Variants in SGIP1 observed in about 807,000 individuals in gnomAD.
SGIP1 encodes SH3-containing GRB2-like protein 3-interacting protein 1.
A neutral mutation model predicts 107.5 loss-of-function variants in SGIP1; 38 were observed. The observed-to-expected ratio is 0.35, with a 90% CI of 0.27 to 0.46. The LOEUF is 0.46. SGIP1 is among the 20% of genes least tolerant of loss of function. The pLI is 1.00. For missense variants in SGIP1, 929 were observed against 1,019.5 expected (o/e 0.91, Z 1.21); for synonymous variants, 365 against 366.1 (o/e 1.00, Z 0.03).
chr1:66,570,100 G>T (rs907908069), intron 1 of SGIP1, among the ~76,000 whole-genome samples: 2 of 151,614 alleles, frequency 1.3e-5, no homozygotes, highest in South Asian at 4.2e-4. Flanking sequence ...AGTAATTTAC[G>T]ATGTCTCTCT....
chr1:66,648,731 C>A (rs2078136862), intron 7 of SGIP1, among the ~76,000 whole-genome samples: 1 of 152,150 alleles, frequency 6.6e-6, no homozygotes, highest in Non-Finnish European at 1.5e-5. Context: ...TGCTTTCTGG[C>A]TATCTGTTTA....
chr1:66,576,912 G>C (rs1439630133), intron 1 of SGIP1, among the ~76,000 whole-genome samples: 33 of 152,190 alleles, frequency 2.2e-4, no homozygotes, highest in Admixed American at 2.2e-3. Flanking sequence ...CCCAAGCAGA[G>C]CTGCTGCCTG....
chr1:66,636,002 GA>G lies in SGIP1; in HGVS notation c.165del (p.Val56PhefsTer81), dbSNP rs1394139864. ...NSKAECAREG[G>X]KKVSKKSNGA... is the part of the protein sequence containing the mutation. The stretch of plus-strand genomic sequence containing the variant: ...AAAGCAGAGTGTGCGCGTGAAGGAG[GA>G]AAAAAAGTTTCGGTAAGGAAACAGA... On this transcript the variant is annotated frameshift_variant, in exon 4 of 25. Transcript: ENST00000371037. LOFTEE classifies it high-confidence loss of function. 3.1e-6 allele frequency: 5 copies of G among 1,612,784 alleles called. No homozygotes were observed. The highest frequency in any genetic ancestry group is 4.2e-6 in the Non-Finnish European group (5 of 1,179,548).
chr1:66,537,978 G>A (rs776931529), intron 1 of SGIP1, among the ~76,000 whole-genome samples: 1 of 152,070 alleles, frequency 6.6e-6, no homozygotes, highest in African/African-American at 2.4e-5. Context: ...TAGTGCCTTT[G>A]GTTGCATATT....
intron 19 of SGIP1, 117 bp from the exon 20 acceptor site, chr1:66,729,147 C>A: frequency 8.6e-7 from 1 of 1,163,250 alleles, no homozygotes; most frequent in East Asian, 2.4e-5. Context: ...TAAGAGCCTG[C>A]CTTTTATCTC....
intron 7 of SGIP1, among the ~76,000 whole-genome samples, chr1:66,651,756 C>T (rs2078803248): frequency 6.6e-6 from 1 of 152,130 alleles, no homozygotes; most frequent in Non-Finnish European, 1.5e-5. Context: ...CCAGGTCAGG[C>T]TTAAATGCTG....
rs377616848 is a variant in SGIP1, at chr1:66,733,901, G to A, written c.2031+21G>A. On this transcript the variant is annotated intron_variant, in intron 21 of 24. Transcript: ENST00000371037. ...ATCAGGTAAGCCTATTTACATGATC[G>A]GTATCTCTTCCACATGACATATTTG... 266 of 1,604,232 alleles carry A rather than the reference G, an allele frequency of 1.7e-4. 1 individual carries two copies. In the African/African-American group the frequency reaches 3.1e-3, roughly 18 times the overall value.
In SGIP1 at chr1:66,681,738, T is replaced by C. The variant is rs560003586; in HGVS notation, c.815-131T>C. ...TAGGCTCCTAATCCAATAAAGATATTTTTACATCATGAAGTATGCCCACTG... is the reference window on the plus strand; with the variant it reads ...TAGGCTCCTAATCCAATAAAGATATCTTTACATCATGAAGTATGCCCACTG... On this transcript the variant is annotated intron_variant, in intron 14 of 24. Coordinates refer to ENST00000371037, the MANE Select transcript of SGIP1 (RefSeq NM_032291.4). The C allele has an allele frequency of 9.3e-6, 8 of 862,584 alleles. No homozygotes were observed. The Admixed American group carries it at 1.7e-4, about 18-fold the overall frequency. The allele number at this position is 862,584 out of a possible 1,614,324, so 53.4% of individuals were successfully genotyped here. A position where few individuals can be genotyped will look rare whatever the true frequency, so the allele number is the denominator to read the frequency against.
Position 66,729,319 on chromosome 1 carries a change from A to G in SGIP1, c.1798A>G (p.Arg600Gly). 5 of 1,614,156 alleles carry G rather than the reference A, an allele frequency of 3.1e-6. No homozygotes were observed. The highest frequency in any genetic ancestry group is 1.6e-4 in the Middle Eastern group (1 of 6,062). Residue 600 changes from arginine (R) to glycine (G), a missense_variant, in exon 20 of 25, where the codon AGA (arginine) becomes GGA (glycine). Physicochemically the swap from Arg to Gly is moderately radical, Grantham distance 125. Around this residue, in one of 2 missense-constraint regions of SGIP1, gnomAD observed 341 missense variants for 430.9 expected, o/e 0.79. Coordinates refer to ENST00000371037, the MANE Select transcript of SGIP1 (RefSeq NM_032291.4). Reference protein sequence around the residue: ...MVLSFPAGITRHFANNPSPAA... With the variant: ...MVLSFPAGITGHFANNPSPAA... ...GTTGTCATTTCCTGCTGGCATCACC[A>G]GACACTTTGCCAACAACCCGTCCCC...
At chr1:66,580,201 C>T (rs2061623431) in intron 1 of SGIP1, among the ~76,000 whole-genome samples, 1 of 152,050 alleles carries the variant, frequency 6.6e-6, no homozygotes, top group Admixed American at 6.6e-5. Context: ...AGAAAAAGAC[C>T]CAGACTCCTA....
At chr1:66,634,148 G>A (rs778968841) in intron 3 of SGIP1, 51 of 1,609,646 alleles carry the variant, frequency 3.2e-5, no homozygotes, top group African/African-American at 5.3e-5. Flanking sequence ...GAGCCCTCTC[G>A]TTAACTCTGT....
intron 1 of SGIP1, among the ~76,000 whole-genome samples, chr1:66,621,270 T>A (rs183176828): frequency 3.9e-5 from 6 of 152,310 alleles, no homozygotes; most frequent in Non-Finnish European, 5.9e-5. Context: ...TTACTAAATA[T>A]CTGACAACTT....
intron 17 of SGIP1, chr1:66,695,157 T>C: frequency 1.7e-6 from 1 of 571,898 alleles, no homozygotes; most frequent in Non-Finnish European, 2.9e-6. Context: ...GGAAGACTTC[T>C]GCTCCATGCA....
At chr1:66,607,713 C>T (rs1357257491) in intron 1 of SGIP1, among the ~76,000 whole-genome samples, 1 of 152,174 alleles carries the variant, frequency 6.6e-6, no homozygotes, top group Non-Finnish European at 1.5e-5. Context: ...TGACAACTGG[C>T]CTCTTCATAT....
At position 66,749,438 on chromosome 1, in the gene SGIP1, T is replaced by C. The variant is rs868341957; in HGVS notation, c.*6343T>C. ...CTATACTCTTTTAATGAGCATTTCA[T>C]AGGGTTTTTTTTTTGCTGTTTTTTT... is the stretch of plus-strand genomic sequence containing the variant. On this transcript the variant is annotated 3_prime_UTR_variant, in exon 25 of 25. Transcript: ENST00000371037. Among the ~76,000 whole-genome samples the C allele has an allele frequency of 5.2e-5, 7 of 135,144 alleles. No individual in the cohort carries two copies. Among genetic ancestry groups the C allele is most frequent in the African/African-American group, 1.7e-4 (6 of 34,848 alleles). 88.7% of individuals were successfully genotyped at this position (135,144 alleles called of 152,430 possible).
intron 1 of SGIP1, among the ~76,000 whole-genome samples, chr1:66,596,146 C>T (rs1285964505): frequency 6.6e-6 from 1 of 152,196 alleles, no homozygotes; most frequent in Non-Finnish European, 1.5e-5. Context: ...AGTCACTTTG[C>T]AAGGCAGCTG....
chr1:66,650,688 A>C (rs1201625408), intron 7 of SGIP1, among the ~76,000 whole-genome samples: 2 of 152,186 alleles, frequency 1.3e-5, no homozygotes, highest in East Asian at 3.9e-4. Context: ...TGTGCTCAGC[A>C]GGTACCTTAA....
intron 1 of SGIP1, among the ~76,000 whole-genome samples, chr1:66,563,481 C>G (rs1005034260): frequency 1.3e-5 from 2 of 152,024 alleles, no homozygotes; most frequent in Non-Finnish European, 2.9e-5. Context: ...AAGACAACTA[C>G]CAGATCTCCT....
In SGIP1 at chr1:66,748,139, C is replaced by G. The variant is rs999014648; in HGVS notation, c.*5044C>G. On this transcript the variant is annotated 3_prime_UTR_variant, in exon 25 of 25. Coordinates refer to ENST00000371037, the MANE Select transcript of SGIP1 (RefSeq NM_032291.4). ...ATTGTATTTTCCCTGCTCCTTTAGG[C>G]TTTTTTTTCATGTGGAAAACAGTAT... The G allele has an allele frequency of 8.6e-5, 13 of 151,650 alleles. No individual in the cohort carries two copies. Among genetic ancestry groups the G allele is most frequent in the African/African-American group, 3.1e-4 (13 of 41,352 alleles). 9.4% of individuals were successfully genotyped at this position (151,650 alleles called of 1,614,324 possible).
Sources: allele counts gnomAD v4.1 joint callset (sites outside exome capture counted in the v4.1 genomes callset), GRCh38; gene constraint gnomAD v4.1.1; regional missense constraint gnomAD v4.1.1; transcripts MANE v1.5; gene names NCBI Gene and HGNC (gene_info 2026-07-23, HGNC 2026-07-21).